Variants in ZNF704 observed in about 807,000 individuals in gnomAD.
The protein encoded by ZNF704 is zinc finger protein 704.
ZNF704 carries 10 observed loss-of-function variants against 44.7 expected under a neutral mutation model. The observed-to-expected ratio is 0.22, with a 90% CI of 0.14 to 0.38. The LOEUF is 0.38. ZNF704 is among the 10% of genes least tolerant of loss of function. The pLI is 1.00. For missense variants in ZNF704, 390 were observed against 545.5 expected (o/e 0.71, Z 2.84); for synonymous variants, 211 against 207.6 (o/e 1.02, Z -0.14).
chr8:80,723,106 T>C (rs1483541824), intron 2 of ZNF704, among the ~76,000 whole-genome samples: 2 of 152,228 alleles, frequency 1.3e-5, no homozygotes, highest in African/African-American at 4.8e-5. Flanking sequence ...TGAATGATAC[T>C]AATAACAAAA....
chr8:80,663,212 T>A (rs1211945122), intron 6 of ZNF704, among the ~76,000 whole-genome samples: 1 of 151,938 alleles, frequency 6.6e-6, no homozygotes, highest in Non-Finnish European at 1.5e-5. Context: ...AGAGCTCGTC[T>A]CTACAAAAAA....
At chr8:80,881,594 G>A in the ZNF704 span, among the ~76,000 whole-genome samples, 1 of 152,172 alleles carries the variant, frequency 6.6e-6, no homozygotes, top group Non-Finnish European at 1.5e-5. Flanking sequence ...TCAGGGAGGA[G>A]ACAAAGGAAG....
chr8:80,786,082 A>C lies in ZNF704; in HGVS notation c.221+35292T>G, dbSNP rs57360491. ...TGAGACCAGCCTGGGCAACACGGGG[A>C]AACTCTGTCTCTATAAAAAAACCCA... On this transcript the variant is annotated intron_variant, in intron 2 of 8. Transcript: ENST00000327835. Among the ~76,000 whole-genome samples, 246 of 151,918 alleles carry C rather than the reference A, an allele frequency of 1.6e-3. 2 individuals are homozygous for C. The highest frequency in any genetic ancestry group is 5.8e-3 in the African/African-American group (239 of 41,442).
chr8:80,704,947 A>G (rs1818872443), intron 2 of ZNF704, among the ~76,000 whole-genome samples: 1 of 152,218 alleles, frequency 6.6e-6, no homozygotes, highest in African/African-American at 2.4e-5. Context: ...GGTCAGAAGC[A>G]CAGTAAAACA....
intron 2 of ZNF704, among the ~76,000 whole-genome samples, chr8:80,720,344 G>T (rs1332012645): frequency 2.6e-5 from 4 of 152,124 alleles, no homozygotes; most frequent in African/African-American, 7.2e-5. Context: ...CACAGCCAAG[G>T]TCATGCAGGT....
At chr8:80,812,478 T>G (rs1808104593) in intron 2 of ZNF704, 2 of 150,022 alleles carry the variant, frequency 1.3e-5, no homozygotes, top group African/African-American at 4.9e-5. Flanking sequence ...CTTAGAAAAC[T>G]CTGAGAAGTT....
chr8:80,755,845 T>C (rs1028382356), intron 2 of ZNF704, among the ~76,000 whole-genome samples: 1 of 151,836 alleles, frequency 6.6e-6, no homozygotes, highest in Non-Finnish European at 1.5e-5. Flanking sequence ...GTGGCTCACA[T>C]CTGTAATTCC....
chr8:80,819,154 G>A (rs1808223151), intron 2 of ZNF704, among the ~76,000 whole-genome samples: 2 of 152,024 alleles, frequency 1.3e-5, no homozygotes, highest in African/African-American at 4.8e-5. Context: ...TTGTCATTGG[G>A]GGATTTTTGC....
chr8:80,864,044 C>T (rs1323595264), intron 1 of ZNF704, among the ~76,000 whole-genome samples: 2 of 152,178 alleles, frequency 1.3e-5, no homozygotes, highest in Non-Finnish European at 2.9e-5. Context: ...GTGTTCTCTA[C>T]CAGTTTTTAA....
chr8:80,758,804 GGCA>G (rs1807080753), intron 2 of ZNF704, among the ~76,000 whole-genome samples: 1 of 152,060 alleles, frequency 6.6e-6, no homozygotes, highest in South Asian at 2.1e-4. Flanking sequence ...CAGTTTAATT[GGCA>G]GCATTATTTT....
At chr8:80,880,506 A>G in the ZNF704 span, among the ~76,000 whole-genome samples, 1 of 152,182 alleles carries the variant, frequency 6.6e-6, no homozygotes, top group Non-Finnish European at 1.5e-5. Flanking sequence ...TTTTTGGTAT[A>G]TTTATTTTCA....
intron 2 of ZNF704, among the ~76,000 whole-genome samples, chr8:80,798,849 G>C (rs1302427046): frequency 6.6e-6 from 1 of 152,156 alleles, no homozygotes; most frequent in Non-Finnish European, 1.5e-5. Context: ...ATAAAGAAAA[G>C]GAATTTATTT....
intron 2 of ZNF704, among the ~76,000 whole-genome samples, chr8:80,819,759 A>T (rs951133820): frequency 2.0e-5 from 3 of 152,210 alleles, no homozygotes; most frequent in African/African-American, 7.2e-5. Flanking sequence ...AAATAATTCC[A>T]AGTAGTTAAA....
intron 4 of ZNF704, among the ~76,000 whole-genome samples, chr8:80,671,585 A>G (rs1159320143): frequency 6.6e-6 from 1 of 152,200 alleles, no homozygotes; most frequent in African/African-American, 2.4e-5. Flanking sequence ...CCTAGAGTAA[A>G]TTTTATAGAA....
rs1486281636 is a variant in ZNF704 at position 80,687,319 on chromosome 8, C to T, written c.465G>A (p.Lys155=). The change falls in exon 4 of 9, where the codon AAG becomes AAA. Residue 155 remains lysine, a synonymous_variant. Transcript: ENST00000327835. ...CTGGCTGCGCGGGGCTGCGGAAGGG[C>T]TTGAAGCTGTCAGCCGAGAGCGGCG... is the stretch of plus-strand genomic sequence containing the variant. The part of the protein sequence containing the change: ...PSPPLSADSF[K]PFRSPAQPDD... 2.5e-6 allele frequency: 4 copies of T among 1,612,388 alleles called. No homozygotes were observed. In the Admixed American group the frequency reaches 6.7e-5, roughly 27 times the overall value.
At chr8:80,815,234 C>T (rs573703146) in intron 2 of ZNF704, among the ~76,000 whole-genome samples, 9 of 152,308 alleles carry the variant, frequency 5.9e-5, no homozygotes, top group African/African-American at 2.2e-4. Flanking sequence ...CTTCCAACCA[C>T]AAACTAACAA....
intron 2 of ZNF704, among the ~76,000 whole-genome samples, chr8:80,759,223 T>C (rs1264658052): frequency 6.6e-6 from 1 of 151,862 alleles, no homozygotes; most frequent in Non-Finnish European, 1.5e-5. Context: ...TTCAGCTTTG[T>C]AGACTTTTGA....
Position 80,637,353 on chromosome 8 carries a change from T to C in ZNF704, c.*4013A>G, listed in dbSNP as rs1272641349. 1 of 152,256 alleles carries C rather than the reference T, an allele frequency of 6.6e-6. No individual in the cohort carries two copies. The highest frequency in any genetic ancestry group is 2.4e-5 in the African/African-American group (1 of 41,468). The allele number at this position is 152,256 out of a possible 1,614,324, so 9.4% of individuals were successfully genotyped here. A position where few individuals can be genotyped will look rare whatever the true frequency, so the allele number is the denominator to read the frequency against. ...TATTATTTACAGTATTTTGCTACTA[T>C]TCTCAAGGTATTCTCTGTTATATGT... is the stretch of plus-strand genomic sequence containing the variant. On this transcript the variant is annotated 3_prime_UTR_variant, in exon 9 of 9. Coordinates refer to ENST00000327835, the MANE Select transcript of ZNF704 (RefSeq NM_001033723.3).
chr8:80,651,652 G>C (rs1021427924), intron 7 of ZNF704, among the ~76,000 whole-genome samples: 5 of 151,894 alleles, frequency 3.3e-5, no homozygotes, highest in African/African-American at 7.2e-5. Flanking sequence ...TACAGGAGCA[G>C]CCAGATTCAT....
Sources: allele counts gnomAD v4.1 joint callset (sites outside exome capture counted in the v4.1 genomes callset), GRCh38; gene constraint gnomAD v4.1.1; transcripts MANE v1.5; gene names NCBI Gene and HGNC (gene_info 2026-07-23, HGNC 2026-07-21).